PKN2: variants seen among roughly 807,000 people sequenced by gnomAD.
PKN2 encodes the protein protein kinase N2.
A neutral mutation model predicts 119.1 loss-of-function variants in PKN2; 38 were observed. That is an observed-to-expected ratio of 0.32 (90% confidence interval 0.25 to 0.42). The LOEUF (loss-of-function observed/expected upper bound fraction) is 0.42, where lower values mean the gene tolerates loss of function less well. PKN2 is among the 10% of genes least tolerant of loss of function. The pLI, the probability that PKN2 is intolerant of heterozygous loss-of-function variation, is 1.00. For missense variants in PKN2, 850 were observed against 1,165.1 expected (o/e 0.73, Z 3.94); for synonymous variants, 390 against 384.9 (o/e 1.01, Z -0.15).
chr1:88,735,311 A>C (rs1668295694), intron 1 of PKN2, among the ~76,000 whole-genome samples: 1 of 151,980 alleles, frequency 6.6e-6, no homozygotes, highest in Non-Finnish European at 1.5e-5. Context: ...GCCACACGCC[A>C]CCACACCCAG....
chr1:88,747,147 G>T (rs966199263), intron 2 of PKN2, among the ~76,000 whole-genome samples: 4 of 152,060 alleles, frequency 2.6e-5, no homozygotes, highest in African/African-American at 9.7e-5. Flanking sequence ...TTGGTCACAG[G>T]TTAAAAAGTT....
chr1:88,814,427 C>T (rs1671903727), intron 16 of PKN2, among the ~76,000 whole-genome samples: 1 of 152,052 alleles, frequency 6.6e-6, no homozygotes, highest in Non-Finnish European at 1.5e-5. Context: ...GGATTTGAAC[C>T]TAGGAAAGTG....
intron 1 of PKN2, among the ~76,000 whole-genome samples, chr1:88,703,239 T>G (rs1177009784): frequency 6.6e-6 from 1 of 152,160 alleles, no homozygotes; most frequent in Non-Finnish European, 1.5e-5. Flanking sequence ...CCTTTTAAAC[T>G]GGTGGTGATG....
intron 1 of PKN2, 97 bp downstream of exon 1, chr1:88,684,725 G>C: frequency 9.4e-7 from 1 of 1,063,958 alleles, no homozygotes; most frequent in Non-Finnish European, 1.3e-6. Flanking sequence ...CGGCCGCCGC[G>C]CCCCTAGCCC....
At chr1:88,801,307 C>T (rs1292944324) in intron 8 of PKN2, among the ~76,000 whole-genome samples, 1 of 152,102 alleles carries the variant, frequency 6.6e-6, no homozygotes, top group Non-Finnish European at 1.5e-5. Context: ...ATCACTTGAA[C>T]CTGGGAGGCA....
At chr1:88,695,106 G>A (rs965968516) in intron 1 of PKN2, among the ~76,000 whole-genome samples, 7 of 151,472 alleles carry the variant, frequency 4.6e-5, no homozygotes, top group Admixed American at 1.3e-4. Flanking sequence ...CAGCCTGGGC[G>A]ACAGAGCGAG....
chr1:88,758,465 A>G (rs1669307419), intron 2 of PKN2, among the ~76,000 whole-genome samples: 1 of 151,906 alleles, frequency 6.6e-6, no homozygotes, highest in Non-Finnish European at 1.5e-5. Context: ...TATACAGATT[A>G]TTTTGTCACC....
chr1:88,789,691 T>TAATAATAATAACAAC (rs887795312), intron 8 of PKN2, among the ~76,000 whole-genome samples: 7 of 123,232 alleles, frequency 5.7e-5, no homozygotes, highest in African/African-American at 2.1e-4. Flanking sequence ...ATAATAATAA[T>TAATAATAATAACAAC]AACAACAACA....
At chr1:88,686,507 T>G (rs969887411) in intron 1 of PKN2, among the ~76,000 whole-genome samples, 1 of 152,060 alleles carries the variant, frequency 6.6e-6, no homozygotes, top group Non-Finnish European at 1.5e-5. Context: ...GAGGAATACC[T>G]AAAGTTAAGC....
At chr1:88,806,114 C>T in intron 12 of PKN2, 97 bp downstream of exon 12, 5 of 1,040,304 alleles carry the variant, frequency 4.8e-6, no homozygotes, top group South Asian at 1.4e-5. Context: ...TTTAAAATTG[C>T]CACTGAACTG....
chr1:88,739,420 A>G (rs960965635), intron 1 of PKN2, among the ~76,000 whole-genome samples: 1 of 152,210 alleles, frequency 6.6e-6, no homozygotes, highest in South Asian at 2.1e-4. Context: ...TATCACCCAT[A>G]AGCTCACCCT....
chr1:88,808,998 G>A (rs1671674160), intron 15 of PKN2, among the ~76,000 whole-genome samples: 1 of 152,128 alleles, frequency 6.6e-6, no homozygotes, highest in African/African-American at 2.4e-5. Flanking sequence ...GTCTTGCTAT[G>A]TAGATATGCC....
At chr1:88,808,469 C>CT (rs1199965303) in intron 15 of PKN2, among the ~76,000 whole-genome samples, 2 of 151,718 alleles carry the variant, frequency 1.3e-5, no homozygotes, top group East Asian at 1.9e-4. Flanking sequence ...CCACGTCCAG[C>CT]TTTTTTTTGT....
chr1:88,821,598 C>A (rs1021946542), intron 16 of PKN2, among the ~76,000 whole-genome samples: 2 of 152,092 alleles, frequency 1.3e-5, no homozygotes, highest in African/African-American at 4.8e-5. Flanking sequence ...TTTTTTCTCT[C>A]AGGTAAGTAC....
rs762355827 is a variant in PKN2, at chr1:88,741,186, GACA to G, written c.251_253del (p.Asn84del). 1 of 1,604,174 alleles carries G rather than the reference GACA, an allele frequency of 6.2e-7. No homozygotes were observed. The highest frequency in any genetic ancestry group is 8.5e-7 in the Non-Finnish European group (1 of 1,177,146). ...AGATAAAAAAAGTTTGGCTTATGTA[GACA>G]ACATTTTGAAAAAATCAAATAAAAA... On this transcript the variant is annotated inframe_deletion, in exon 2 of 22. Coordinates refer to ENST00000370521, the MANE Select transcript of PKN2 (RefSeq NM_006256.4).
intron 14 of PKN2, 25 bp from the exon 15 acceptor site, chr1:88,807,659 A>G: frequency 6.4e-7 from 1 of 1,566,784 alleles, no homozygotes; most frequent in African/African-American, 1.4e-5. Flanking sequence ...TCAAGTGGAA[A>G]ATAATTATTT....
chr1:88,809,029 T>C (rs1383879045), intron 15 of PKN2, among the ~76,000 whole-genome samples: 1 of 152,206 alleles, frequency 6.6e-6, no homozygotes, highest in East Asian at 1.9e-4. Flanking sequence ...TTTTAATGTT[T>C]TTTTCCACCA....
intron 2 of PKN2, among the ~76,000 whole-genome samples, chr1:88,748,988 A>T (rs113571405): frequency 0.019 from 2,881 of 152,270 alleles, 48 homozygotes; most frequent in South Asian, 0.042. Context: ...TTTCATTCCC[A>T]CTATCAGTGA....
chr1:88,724,430 T>C (rs1667815193), intron 1 of PKN2, among the ~76,000 whole-genome samples: 1 of 152,226 alleles, frequency 6.6e-6, no homozygotes, highest in African/African-American at 2.4e-5. Flanking sequence ...ACTGCTCGTT[T>C]TCAAGTATCA....
Sources: allele counts gnomAD v4.1 joint callset (sites outside exome capture counted in the v4.1 genomes callset), GRCh38; gene constraint gnomAD v4.1.1; transcripts MANE v1.5; gene names NCBI Gene and HGNC (gene_info 2026-07-23, HGNC 2026-07-21).